ANKS4B: variants seen among roughly 807,000 people sequenced by gnomAD.
ANKS4B encodes the protein ankyrin repeat and SAM domain-containing protein 4B.
In ANKS4B, 21 loss-of-function variants were observed where a neutral mutation model predicts 20.2. The observed-to-expected ratio is 1.04, with a 90% CI of 0.74 to 1.50. The LOEUF is 1.50. Among genes scored for constraint, ANKS4B ranks in the 40% most tolerant of loss-of-function variants. The pLI, the probability that ANKS4B is intolerant of heterozygous loss-of-function variation, is 0.00. For synonymous variants in ANKS4B, 179 were observed against 194.5 expected (o/e 0.92, Z 0.66); for missense variants, 473 against 494.6 (o/e 0.96, Z 0.41).
intron 1 of ANKS4B, among the ~76,000 whole-genome samples, chr16:21,248,043 A>G (rs1477369286): frequency 1.3e-5 from 2 of 152,044 alleles, no homozygotes; most frequent in African/African-American, 4.8e-5. Context: ...ATGGGGACTG[A>G]GTTTGGTTCA....
Position 21,250,829 on chromosome 16 carries a change from T to G in ANKS4B, c.*9T>G. 1 of 1,579,606 alleles carries G rather than the reference T, an allele frequency of 6.3e-7. No homozygotes were observed. Among genetic ancestry groups the G allele is most frequent in the Non-Finnish European group, 8.6e-7 (1 of 1,157,900 alleles). ...TCGACACCAGCCTGTGATGGAGAGT[T>G]TTGGCCTGGAGCATTGGGGTGATGC... On this transcript the variant is annotated 3_prime_UTR_variant, in exon 2 of 2. Transcript: ENST00000311620.
chr16:21,239,538 G>A (rs184138544), intron 1 of ANKS4B, among the ~76,000 whole-genome samples: 1 of 152,194 alleles, frequency 6.6e-6, no homozygotes, highest in African/African-American at 2.4e-5. Context: ...CCAAGATCAC[G>A]CCACTGCACT....
intron 1 of ANKS4B, chr16:21,238,824 T>C (rs2152859284): frequency 6.6e-6 from 1 of 152,320 alleles, no homozygotes; most frequent in South Asian, 2.1e-4. Context: ...TCTTCTAACC[T>C]TGTTTTTCCT....
At chr16:21,244,521 C>G (rs150951101) in intron 1 of ANKS4B, among the ~76,000 whole-genome samples, 4 of 132,274 alleles carry the variant, frequency 3.0e-5, no homozygotes, top group South Asian at 5.3e-4. Context: ...CTGCATCCCC[C>G]CTGCAGCTCA....
chr16:21,237,471 A>T (rs1158881655), intron 1 of ANKS4B, among the ~76,000 whole-genome samples: 2 of 152,162 alleles, frequency 1.3e-5, no homozygotes, highest in East Asian at 3.9e-4. Flanking sequence ...CAGCAGAGAC[A>T]TCCAAGATCA....
chr16:21,240,218 T>A (rs1003561986), intron 1 of ANKS4B, among the ~76,000 whole-genome samples: 2 of 152,140 alleles, frequency 1.3e-5, no homozygotes, highest in Non-Finnish European at 2.9e-5. Flanking sequence ...CAAAAAAAAA[T>A]TCATTTTACC....
At chr16:21,238,869 A>T (rs1008326640) in intron 1 of ANKS4B, 1 of 152,034 alleles carries the variant, frequency 6.6e-6, no homozygotes, top group African/African-American at 2.4e-5. Context: ...TTCTCACGGG[A>T]TCTAGTACAT....
At position 21,249,344 on chromosome 16, in the gene ANKS4B, T is replaced by C. The variant is rs1373102413; in HGVS notation, c.165-387T>C. On this transcript the variant is annotated intron_variant, in intron 1 of 1. Transcript: ENST00000311620. ...ACAAAAAATTAGCTAGGTGTCATGGTGCATGCCTGTAGTCTCAGCTACTCA... is the reference window on the plus strand; with the variant it reads ...ACAAAAAATTAGCTAGGTGTCATGGCGCATGCCTGTAGTCTCAGCTACTCA... Among the ~76,000 whole-genome samples the C allele has an allele frequency of 2.0e-5, 3 of 152,206 alleles. 1 individual carries two copies. The highest frequency in any genetic ancestry group is 4.2e-4 in the South Asian group (2 of 4,818).
chr16:21,243,928 TA>T (rs1419139238), intron 1 of ANKS4B: 1 of 152,160 alleles, frequency 6.6e-6, no homozygotes, highest in Non-Finnish European at 1.5e-5. Context: ...TGAATTGTCT[TA>T]CTGACAGTTT....
Position 21,252,310 on chromosome 16 carries a change from A to T in ANKS4B, c.*1490A>T, listed in dbSNP as rs915591182. 1.8e-4 allele frequency: 28 copies of T among 152,278 alleles called. No individual in the cohort carries two copies. The highest frequency in any genetic ancestry group is 6.8e-4 in the African/African-American group (28 of 41,470). 9.4% of individuals were successfully genotyped at this position (152,278 alleles called of 1,614,324 possible). Reference sequence around the variant, plus strand: ...AGAGGCCACGTGAGGACACAGTGAGAAGGTGGCCGTCTGCAAGCCGAGGAG... The same window carrying T: ...AGAGGCCACGTGAGGACACAGTGAGTAGGTGGCCGTCTGCAAGCCGAGGAG... On this transcript the variant is annotated 3_prime_UTR_variant, in exon 2 of 2. Coordinates refer to ENST00000311620, the MANE Select transcript of ANKS4B (RefSeq NM_145865.3).
Position 21,234,292 on chromosome 16 carries a change from T to C in ANKS4B, c.164+391T>C, listed in dbSNP as rs1209126263. Among the ~76,000 whole-genome samples the C allele has an allele frequency of 7.2e-5, 11 of 151,862 alleles. No homozygotes were observed. The East Asian group carries it at 1.7e-3, about 24-fold the overall frequency. ...ACCTTGGTTGGAACAAATGACATGG[T>C]TTTAGTTTTTTTTTTATCTATGCCA... On this transcript the variant is annotated intron_variant, in intron 1 of 1. Coordinates refer to ENST00000311620, the MANE Select transcript of ANKS4B (RefSeq NM_145865.3).
intron 1 of ANKS4B, among the ~76,000 whole-genome samples, chr16:21,235,286 C>T (rs549501823): frequency 6.6e-5 from 10 of 152,216 alleles, no homozygotes; most frequent in Admixed American, 2.6e-4. Flanking sequence ...GTTGGCTAGA[C>T]GAAAGAGTGT....
intron 1 of ANKS4B, among the ~76,000 whole-genome samples, chr16:21,247,078 T>A (rs1235343748): frequency 6.6e-6 from 1 of 151,892 alleles, no homozygotes; most frequent in Non-Finnish European, 1.5e-5. Flanking sequence ...TGCTTTTTTT[T>A]TTTTTTGGAG....
At chr16:21,236,258 C>T (rs1457752514) in intron 1 of ANKS4B, among the ~76,000 whole-genome samples, 1 of 151,988 alleles carries the variant, frequency 6.6e-6, no homozygotes, top group African/African-American at 2.4e-5. Flanking sequence ...AGGACAGTAC[C>T]AAGGGGAATG....
At chr16:21,249,363 C>A (rs2093335899) in intron 1 of ANKS4B, among the ~76,000 whole-genome samples, 1 of 152,186 alleles carries the variant, frequency 6.6e-6, no homozygotes, top group African/African-American at 2.4e-5. Context: ...GTAGTCTCAG[C>A]TACTCAGGAG....
intron 1 of ANKS4B, among the ~76,000 whole-genome samples, chr16:21,237,593 C>CA (rs35450922): frequency 0.3 from 37,286 of 125,148 alleles, 4,796 homozygotes; most frequent in Admixed American, 0.39. Flanking sequence ...AAGGAAGGGG[C>CA]AAAAAAAAAA....
chr16:21,236,475 T>C (rs2093320418), intron 1 of ANKS4B, among the ~76,000 whole-genome samples: 1 of 152,208 alleles, frequency 6.6e-6, no homozygotes. Context: ...TCTTGTTCCA[T>C]TTGAGGACAT....
chr16:21,239,361 G>C (rs1048897431), intron 1 of ANKS4B, among the ~76,000 whole-genome samples: 1 of 152,092 alleles, frequency 6.6e-6, no homozygotes, highest in Non-Finnish European at 1.5e-5. Context: ...GGTCATTTGA[G>C]GTCAGGAGTT....
intron 1 of ANKS4B, among the ~76,000 whole-genome samples, chr16:21,239,542 C>G (rs2093323983): frequency 6.6e-6 from 1 of 152,208 alleles, no homozygotes; most frequent in Non-Finnish European, 1.5e-5. Context: ...GATCACGCCA[C>G]TGCACTCCAG....
Sources: allele counts gnomAD v4.1 joint callset (sites outside exome capture counted in the v4.1 genomes callset), GRCh38; gene constraint gnomAD v4.1.1; transcripts MANE v1.5; gene names NCBI Gene and HGNC (gene_info 2026-07-23, HGNC 2026-07-21).